TNFSF4: variants seen among roughly 807,000 people sequenced by gnomAD.
TNFSF4 encodes the protein tumor necrosis factor ligand superfamily member 4.
A neutral mutation model predicts 7.3 loss-of-function variants in TNFSF4; 4 were observed. That is an observed-to-expected ratio of 0.55 (90% CI 0.27 to 1.25). TNFSF4 has a LOEUF of 1.25. Among genes scored for constraint, TNFSF4 ranks in the 50% most tolerant of loss-of-function variants. The pLI, the probability that TNFSF4 is intolerant of heterozygous loss-of-function variation, is 0.12. For missense variants in TNFSF4, 181 were observed against 208.8 expected (o/e 0.87, Z 0.82); for synonymous variants, 76 against 83.7 (o/e 0.91, Z 0.50).
the TNFSF4 span, chr1:173,418,577 GGGA>G: frequency 2.6e-5 from 4 of 151,958 alleles, no homozygotes; most frequent in Admixed American, 6.5e-5. Context: ...TGATTTGGCT[GGGA>G]GGAGTGCATT....
the TNFSF4 span, among the ~76,000 whole-genome samples, chr1:173,326,242 A>C: frequency 2.0e-5 from 3 of 152,256 alleles, no homozygotes; most frequent in African/African-American, 7.2e-5. Context: ...AATCCAGCAT[A>C]TAAACAGAAC....
chr1:173,364,426 T>C, the TNFSF4 span, among the ~76,000 whole-genome samples: 1 of 149,984 alleles, frequency 6.7e-6, no homozygotes, highest in Non-Finnish European at 1.5e-5. Flanking sequence ...TATATACATA[T>C]TCACAGATGT....
chr1:173,350,676 TCTTGGTGCCTCCAC>T, the TNFSF4 span, among the ~76,000 whole-genome samples: 1 of 152,292 alleles, frequency 6.6e-6, no homozygotes. Context: ...CAATCCAGAT[TCTTGGTGCCTCCAC>T]CAACCTCTAG....
At chr1:173,378,592 C>A in the TNFSF4 span, among the ~76,000 whole-genome samples, 1 of 152,098 alleles carries the variant, frequency 6.6e-6, no homozygotes, top group Non-Finnish European at 1.5e-5. Context: ...AAAATGGCCA[C>A]CTGAGGGAAG....
chr1:173,416,416 G>A, the TNFSF4 span, among the ~76,000 whole-genome samples: 12 of 152,134 alleles, frequency 7.9e-5, no homozygotes, highest in East Asian at 1.4e-3. Context: ...GAGGGATGAC[G>A]GAGAGAACCA....
chr1:173,433,666 G>A, the TNFSF4 span, among the ~76,000 whole-genome samples: 5 of 152,032 alleles, frequency 3.3e-5, no homozygotes, highest in East Asian at 9.7e-4. Context: ...TCATGCCTCT[G>A]CACCCCAGCC....
chr1:173,187,665 G>A (rs892865005), intron 2 of TNFSF4, among the ~76,000 whole-genome samples: 25 of 152,216 alleles, frequency 1.6e-4, no homozygotes, highest in South Asian at 8.3e-4. Context: ...TTTGGGAAGA[G>A]TCACTGCCAC....
the TNFSF4 span, among the ~76,000 whole-genome samples, chr1:173,353,852 G>C: frequency 6.6e-6 from 1 of 152,118 alleles, no homozygotes; most frequent in African/African-American, 2.4e-5. Flanking sequence ...TCATGTAATT[G>C]TCTCTAAGTG....
chr1:173,264,317 C>CT, the TNFSF4 span, among the ~76,000 whole-genome samples: 4,236 of 110,490 alleles, frequency 0.038, 296 homozygotes, highest in African/African-American at 0.13. Flanking sequence ...CTGGCTTCTT[C>CT]TTTTTTTTTT....
At chr1:173,435,269 G>A in the TNFSF4 span, among the ~76,000 whole-genome samples, 10 of 152,296 alleles carry the variant, frequency 6.6e-5, 1 homozygote, top group African/African-American at 2.2e-4. Context: ...AGAACAAAAG[G>A]AGCAAATAAG....
At chr1:173,329,789 GT>G in the TNFSF4 span, among the ~76,000 whole-genome samples, 2 of 151,180 alleles carry the variant, frequency 1.3e-5, no homozygotes. Context: ...AAGAAATATG[GT>G]TTTTTTTAAC....
At chr1:173,383,971 T>C in the TNFSF4 span, among the ~76,000 whole-genome samples, 1 of 152,250 alleles carries the variant, frequency 6.6e-6, no homozygotes, top group South Asian at 2.1e-4. Context: ...ACTTATGTTG[T>C]TATCGTCATC....
At chr1:173,352,581 G>T in the TNFSF4 span, among the ~76,000 whole-genome samples, 2 of 152,154 alleles carry the variant, frequency 1.3e-5, no homozygotes, top group African/African-American at 4.8e-5. Context: ...GGGTCACAGA[G>T]ATCACATGCT....
At chr1:173,268,006 C>T in the TNFSF4 span, among the ~76,000 whole-genome samples, 1 of 152,048 alleles carries the variant, frequency 6.6e-6, no homozygotes, top group Admixed American at 6.6e-5. Flanking sequence ...ATTTGGTGAA[C>T]GATTTCTCAA....
chr1:173,353,124 T>C, the TNFSF4 span, among the ~76,000 whole-genome samples: 7 of 152,194 alleles, frequency 4.6e-5, no homozygotes, highest in African/African-American at 1.7e-4. Context: ...ATGAACAATT[T>C]GTGCAGTCAA....
the TNFSF4 span, among the ~76,000 whole-genome samples, chr1:173,379,019 C>T: frequency 6.6e-6 from 1 of 151,086 alleles, no homozygotes; most frequent in South Asian, 2.1e-4. Context: ...TCAGATGATC[C>T]TGATAGATAT....
At chr1:173,398,795 A>G in the TNFSF4 span, among the ~76,000 whole-genome samples, 1 of 152,170 alleles carries the variant, frequency 6.6e-6, no homozygotes, top group African/African-American at 2.4e-5. Context: ...AAAGTGAAAG[A>G]TAAATTCTTG....
At chr1:173,350,959 C>T in the TNFSF4 span, among the ~76,000 whole-genome samples, 1 of 152,194 alleles carries the variant, frequency 6.6e-6, no homozygotes, top group Admixed American at 6.5e-5. Flanking sequence ...AAATGACTCT[C>T]TGTCTATCTA....
chr1:173,278,480 A>G, the TNFSF4 span, among the ~76,000 whole-genome samples: 2 of 152,120 alleles, frequency 1.3e-5, no homozygotes, highest in Non-Finnish European at 2.9e-5. Context: ...TCTATTAAGT[A>G]ACCCTACCAC....
Sources: allele counts gnomAD v4.1 joint callset (sites outside exome capture counted in the v4.1 genomes callset), GRCh38; gene constraint gnomAD v4.1.1; transcripts MANE v1.5; gene names NCBI Gene and HGNC (gene_info 2026-07-23, HGNC 2026-07-21).